The following SOX6 variants were observed in gnomAD, a reference collection of about 807,000 sequenced individuals.
SOX6 encodes the protein transcription factor SOX-6.
A neutral mutation model predicts 97.8 loss-of-function variants in SOX6; 11 were observed. That is an observed-to-expected ratio of 0.11 (90% confidence interval 0.07 to 0.19). The LOEUF is 0.19. Among genes scored for constraint, SOX6 ranks in the 10% least tolerant of loss-of-function variants. The pLI, the probability that SOX6 is intolerant of heterozygous loss-of-function variation, is 1.00. For missense variants in SOX6, 810 were observed against 1,039.5 expected (o/e 0.78, Z 3.04); for synonymous variants, 360 against 371.4 (o/e 0.97, Z 0.35).
At chr11:16,684,159 G>A (rs933019301) in intron 3 of SOX6, among the ~76,000 whole-genome samples, 2 of 152,190 alleles carry the variant, frequency 1.3e-5, no homozygotes, top group African/African-American at 4.8e-5. Flanking sequence ...CAACCATTGT[G>A]GAAGACAGTG....
intron 4 of SOX6, among the ~76,000 whole-genome samples, chr11:16,556,371 C>A (rs926055341): frequency 6.6e-6 from 1 of 151,694 alleles, no homozygotes; most frequent in African/African-American, 2.4e-5. Context: ...CAATGCTAAT[C>A]TAACTCATTT....
chr11:16,341,543 T>C (rs534698384), intron 1 of SOX6, among the ~76,000 whole-genome samples: 19 of 152,232 alleles, frequency 1.2e-4, no homozygotes, highest in African/African-American at 4.6e-4. Flanking sequence ...TGTATGTGTA[T>C]ATTTTTCCTC....
At chr11:16,454,764 A>G (rs1290361839) in intron 1 of SOX6, among the ~76,000 whole-genome samples, 1 of 152,148 alleles carries the variant, frequency 6.6e-6, no homozygotes, top group East Asian at 1.9e-4. Flanking sequence ...GATCTATTCC[A>G]TTATAGCACA....
intron 3 of SOX6, among the ~76,000 whole-genome samples, chr11:16,710,985 CT>C (rs1225965578): frequency 2.0e-5 from 3 of 152,166 alleles, no homozygotes; most frequent in African/African-American, 7.2e-5. Flanking sequence ...TAAGAGCCAT[CT>C]TTTTATTTTC....
intron 1 of SOX6, among the ~76,000 whole-genome samples, chr11:16,380,836 T>C (rs1222970066): frequency 2.0e-5 from 3 of 151,934 alleles, no homozygotes; most frequent in African/African-American, 7.2e-5. Context: ...ATGATAAAAA[T>C]AACATACTGA....
chr11:16,599,124 C>T (rs376265774), intron 4 of SOX6, among the ~76,000 whole-genome samples: 21 of 152,052 alleles, frequency 1.4e-4, no homozygotes, highest in East Asian at 5.8e-4. Flanking sequence ...AGTTAAAACA[C>T]GCAAAACTCT....
chr11:16,343,696 A>C (rs1196734901), intron 1 of SOX6, among the ~76,000 whole-genome samples: 1 of 151,904 alleles, frequency 6.6e-6, no homozygotes, highest in Non-Finnish European at 1.5e-5. Context: ...GGGGAGTGTT[A>C]ATTGAAAATC....
At chr11:16,161,337 A>C (rs1023184520) in intron 6 of SOX6, among the ~76,000 whole-genome samples, 1 of 150,830 alleles carries the variant, frequency 6.6e-6, no homozygotes, top group African/African-American at 2.4e-5. Flanking sequence ...TATATATCAG[A>C]TATATATGTC....
At chr11:16,166,116 G>A (rs901391886) in intron 6 of SOX6, among the ~76,000 whole-genome samples, 17 of 151,820 alleles carry the variant, frequency 1.1e-4, no homozygotes, top group Non-Finnish European at 2.2e-4. Context: ...CTCTTTCTAG[G>A]CATTTTAATT....
At chr11:16,334,891 C>G (rs980540119) in intron 2 of SOX6, among the ~76,000 whole-genome samples, 2 of 151,860 alleles carry the variant, frequency 1.3e-5, no homozygotes, top group Non-Finnish European at 2.9e-5. Context: ...TACCAGTAAC[C>G]CTTTGTTTAA....
chr11:16,117,386 CA>C, intron 6 of SOX6, among the ~76,000 whole-genome samples: 1 of 146,822 alleles, frequency 6.8e-6, no homozygotes, highest in African/African-American at 2.5e-5. Context: ...AACAAACAAA[CA>C]AAAAACAAGC....
At chr11:16,176,885 A>C (rs1052432820) in intron 6 of SOX6, among the ~76,000 whole-genome samples, 18 of 151,994 alleles carry the variant, frequency 1.2e-4, no homozygotes, top group African/African-American at 4.3e-4. Context: ...TGGCTCTGAT[A>C]ATACTTGCTT....
intron 3 of SOX6, among the ~76,000 whole-genome samples, chr11:16,303,942 G>A (rs2917899): frequency 0.44 from 67,157 of 151,898 alleles, 15,139 homozygotes; most frequent in East Asian, 0.48. Context: ...TTGAGACGGA[G>A]TTCTTGCTCT....
chr11:16,594,395 T>C (rs542316265), intron 4 of SOX6, among the ~76,000 whole-genome samples: 14 of 152,276 alleles, frequency 9.2e-5, no homozygotes, highest in African/African-American at 2.9e-4. Context: ...AAGAATCTGA[T>C]ATCAAAAAGC....
intron 3 of SOX6, among the ~76,000 whole-genome samples, chr11:16,285,384 A>T (rs1854702598): frequency 6.6e-6 from 1 of 152,048 alleles, no homozygotes; most frequent in Non-Finnish European, 1.5e-5. Context: ...AAGACAAAAA[A>T]TTAGCTGGGC....
intron 12 of SOX6, among the ~76,000 whole-genome samples, chr11:16,022,377 C>CCTTCCTT (rs1855091303): frequency 1.2e-5 from 1 of 80,670 alleles, no homozygotes; most frequent in African/African-American, 5.4e-5. Flanking sequence ...CTTCCTTCCT[C>CCTTCCTT]CCTCCCTCCC....
At chr11:16,638,833 G>A (rs1346362570) in intron 3 of SOX6, among the ~76,000 whole-genome samples, 1 of 152,148 alleles carries the variant, frequency 6.6e-6, no homozygotes, top group Non-Finnish European at 1.5e-5. Context: ...TTTGTCAGAT[G>A]AGTAGATTGC....
intron 3 of SOX6, among the ~76,000 whole-genome samples, chr11:16,265,887 T>C (rs1312766774): frequency 7.3e-6 from 1 of 136,298 alleles, no homozygotes; most frequent in Non-Finnish European, 1.6e-5. Context: ...CAGTAGAAAC[T>C]ATCTAAAATG....
intron 3 of SOX6, among the ~76,000 whole-genome samples, chr11:16,239,197 C>T (rs1205540798): frequency 6.6e-6 from 1 of 152,028 alleles, no homozygotes; most frequent in Non-Finnish European, 1.5e-5. Context: ...TTAATTAAAA[C>T]CCTCCAAGCT....
Sources: gnomAD v4.1 joint callset for allele counts (sites outside exome capture counted in the v4.1 genomes callset) on GRCh38, gnomAD v4.1.1 for gene constraint, MANE v1.5 for transcripts, NCBI Gene and HGNC (gene_info 2026-07-23, HGNC 2026-07-21) for gene names.